NCOA2: variants seen among roughly 807,000 people sequenced by gnomAD.
NCOA2 encodes nuclear receptor coactivator 2.
Under a neutral mutation model 145.1 loss-of-function variants are expected in NCOA2, and 21 were observed. The observed-to-expected ratio is 0.14, with a 90% CI of 0.10 to 0.21. The LOEUF (loss-of-function observed/expected upper bound fraction) is 0.21. NCOA2 is among the 10% of genes least tolerant of loss of function. The pLI is 1.00. For missense variants in NCOA2, 1,472 were observed against 1,837.6 expected (o/e 0.80, Z 3.64); for synonymous variants, 619 against 637.5 (o/e 0.97, Z 0.44).
At chr8:70,398,865 T>C (rs762305186) in intron 1 of NCOA2, among the ~76,000 whole-genome samples, 6 of 152,204 alleles carry the variant, frequency 3.9e-5, no homozygotes, top group South Asian at 2.1e-4. Context: ...AATGTGGTCA[T>C]TGATCAACAT....
At chr8:70,181,247 G>A (rs1220064177) in intron 4 of NCOA2, among the ~76,000 whole-genome samples, 3 of 152,164 alleles carry the variant, frequency 2.0e-5, no homozygotes, top group Non-Finnish European at 2.9e-5. Flanking sequence ...AACCACTACT[G>A]ATTACTTAGA....
chr8:70,356,330 T>C (rs751299663), intron 1 of NCOA2, among the ~76,000 whole-genome samples: 2 of 150,130 alleles, frequency 1.3e-5, no homozygotes, highest in African/African-American at 2.5e-5. Context: ...AGAGAAAGAG[T>C]TGATTGCTTT....
chr8:70,390,522 T>A (rs1369323212), intron 1 of NCOA2, among the ~76,000 whole-genome samples: 1 of 152,020 alleles, frequency 6.6e-6, no homozygotes, highest in Non-Finnish European at 1.5e-5. Context: ...ATCCCAGCAT[T>A]TTGGGAGGCC....
the NCOA2 span, among the ~76,000 whole-genome samples, chr8:70,445,067 A>AT: frequency 6.6e-6 from 1 of 152,228 alleles, no homozygotes. Context: ...ATTAGATGGC[A>AT]AAGACTTTCA....
At chr8:70,311,970 T>C (rs1049820018) in intron 1 of NCOA2, among the ~76,000 whole-genome samples, 3 of 152,234 alleles carry the variant, frequency 2.0e-5, no homozygotes, top group Non-Finnish European at 4.4e-5. Context: ...TAGACTACTT[T>C]CTTATTTTAT....
At chr8:70,159,242 A>AT (rs763150293) in intron 10 of NCOA2, among the ~76,000 whole-genome samples, 6 of 61,078 alleles carry the variant, frequency 9.8e-5, no homozygotes, top group African/African-American at 2.7e-4. Flanking sequence ...ATATATATAT[A>AT]TTTTTTTTTT....
intron 15 of NCOA2, among the ~76,000 whole-genome samples, chr8:70,134,404 CT>C (rs1809501999): frequency 6.6e-6 from 1 of 152,200 alleles, no homozygotes; most frequent in African/African-American, 2.4e-5. Context: ...AGGCAGCTAC[CT>C]CATTCCCTAA....
At chr8:70,442,020 AAGAAAG>A in the NCOA2 span, among the ~76,000 whole-genome samples, 1 of 130,578 alleles carries the variant, frequency 7.7e-6, no homozygotes, top group African/African-American at 2.8e-5. Context: ...AAAGGAAAGA[AAGAAAG>A]AGAAAAGAAA....
chr8:70,186,732 A>G (rs1274347421), intron 4 of NCOA2, among the ~76,000 whole-genome samples: 1 of 152,242 alleles, frequency 6.6e-6, no homozygotes, highest in East Asian at 1.9e-4. Context: ...TAACATGCTC[A>G]CTGTATTGAG....
At chr8:70,435,404 G>A in the NCOA2 span, among the ~76,000 whole-genome samples, 1 of 102,654 alleles carries the variant, frequency 9.7e-6, no homozygotes, top group Non-Finnish European at 1.7e-5. Flanking sequence ...CAGCTTGGGC[G>A]AAAGAGTGAG....
intron 1 of NCOA2, among the ~76,000 whole-genome samples, chr8:70,314,986 T>C (rs1165525663): frequency 6.6e-6 from 1 of 152,232 alleles, no homozygotes; most frequent in Admixed American, 6.5e-5. Flanking sequence ...TTGAGTGTCC[T>C]AAATCTCCAA....
At chr8:70,242,904 C>T (rs1408815456) in intron 2 of NCOA2, among the ~76,000 whole-genome samples, 1 of 151,982 alleles carries the variant, frequency 6.6e-6, no homozygotes, top group East Asian at 1.9e-4. Context: ...AGATCAGACC[C>T]GATTATAATA....
chr8:70,421,608 G>C, the NCOA2 span, among the ~76,000 whole-genome samples: 2 of 148,760 alleles, frequency 1.3e-5, no homozygotes, highest in African/African-American at 5.2e-5. Flanking sequence ...TAATAATTCC[G>C]AAAACATAAA....
At chr8:70,424,063 A>G in the NCOA2 span, 1 of 158,364 alleles carries the variant, frequency 6.3e-6, no homozygotes, top group Non-Finnish European at 1.4e-5. Context: ...GGAGCAGCAA[A>G]CTTTCTCTTT....
chr8:70,365,814 T>C (rs568011697), intron 1 of NCOA2, among the ~76,000 whole-genome samples: 1 of 151,852 alleles, frequency 6.6e-6, no homozygotes, highest in Non-Finnish European at 1.5e-5. Flanking sequence ...GAGAAAGAAA[T>C]GAGTAAATAT....
chr8:70,208,485 T>C (rs573179126), intron 4 of NCOA2, among the ~76,000 whole-genome samples: 5 of 152,214 alleles, frequency 3.3e-5, no homozygotes, highest in Non-Finnish European at 7.3e-5. Context: ...AGATTTTCAA[T>C]GTAGACAAAA....
chr8:70,166,765 C>T lies in NCOA2; in HGVS notation c.542-11G>A. The T allele has an allele frequency of 6.2e-7, 1 of 1,605,270 alleles. No homozygotes were observed. Among genetic ancestry groups the T allele is most frequent in the Non-Finnish European group, 8.5e-7 (1 of 1,175,250 alleles). On this transcript the variant is annotated splice_polypyrimidine_tract_variant and intron_variant, in intron 6 of 22. Coordinates refer to ENST00000452400, the MANE Select transcript of NCOA2 (RefSeq NM_006540.4). ...AAGATCCCCCATTTACTGAGCAAGG[C>T]AAAAGTAATCCAGTTTTACAAAGAA...
At chr8:70,326,624 A>G (rs1290487614) in intron 1 of NCOA2, among the ~76,000 whole-genome samples, 1 of 152,172 alleles carries the variant, frequency 6.6e-6, no homozygotes, top group Non-Finnish European at 1.5e-5. Context: ...TATATATAAC[A>G]AATCATGGAG....
At chr8:70,143,255 T>C (rs1810664658) in intron 13 of NCOA2, among the ~76,000 whole-genome samples, 1 of 152,142 alleles carries the variant, frequency 6.6e-6, no homozygotes, top group African/African-American at 2.4e-5. Flanking sequence ...GCCTAGTCTG[T>C]GTTTTTTTAA....
Sources: gnomAD v4.1 joint callset for allele counts (sites outside exome capture counted in the v4.1 genomes callset) on GRCh38, gnomAD v4.1.1 for gene constraint, MANE v1.5 for transcripts, NCBI Gene and HGNC (gene_info 2026-07-23, HGNC 2026-07-21) for gene names.